TTLL8: variants seen among roughly 807,000 people sequenced by gnomAD.
TTLL8 encodes the protein tubulin tyrosine ligase like 8.
In TTLL8, 65 loss-of-function variants were observed where a neutral mutation model predicts 77.8. That is an observed-to-expected ratio of 0.84 (90% CI 0.68 to 1.03). The LOEUF (loss-of-function observed/expected upper bound fraction) is 1.03. Ranked by LOEUF, TTLL8 falls within the 50% of genes least tolerant of loss-of-function variation. TTLL8 has a pLI of 0.00. For synonymous variants in TTLL8, 402 were observed against 422.8 expected (o/e 0.95, Z 0.60); for missense variants, 910 against 1,004.5 (o/e 0.91, Z 1.27).
chr22:50,030,851 C>T (rs1188097778), exon 12 of TTLL8: 2 of 1,337,642 alleles, frequency 1.5e-6, no homozygotes, highest in Non-Finnish European at 2.0e-6. Flanking sequence ...GCAGCACCTG[C>T]CTCCTGGCTC....
At chr22:50,047,033 A>AAG in intron 4 of TTLL8, 135 bp downstream of exon 6, 1 of 1,193,258 alleles carries the variant, frequency 8.4e-7, no homozygotes. Flanking sequence ...CCACGGCCTT[A>AAG]GACCAGGAGT....
intron 8 of TTLL8, among the ~76,000 whole-genome samples, chr22:50,039,712 G>T (rs769932908): frequency 6.6e-6 from 1 of 151,822 alleles, no homozygotes. Context: ...ATGTGTGTCA[G>T]TGTGGACAGA....
intron 5 of TTLL8, 92 bp from the exon 8 acceptor site, chr22:50,045,481 C>T: frequency 2.6e-6 from 3 of 1,144,764 alleles, no homozygotes; most frequent in East Asian, 4.9e-5. Flanking sequence ...CCAACCCGCC[C>T]CACTTCCCGC....
At chr22:50,025,947 C>A (rs1174918369) in intron 12 of TTLL8, among the ~76,000 whole-genome samples, 1 of 152,160 alleles carries the variant, frequency 6.6e-6, no homozygotes, top group African/African-American at 2.4e-5. Flanking sequence ...TGCAAAACGC[C>A]ACAACCATAT....
chr22:50,020,397 C>T (rs1412948591), intron 12 of TTLL8, among the ~76,000 whole-genome samples: 1 of 151,568 alleles, frequency 6.6e-6, no homozygotes, highest in African/African-American at 2.4e-5. Flanking sequence ...GTGCATTCCT[C>T]CATCTGACAA....
intron 10 of TTLL8, among the ~76,000 whole-genome samples, chr22:50,032,732 C>A (rs1426489740): frequency 6.6e-6 from 1 of 152,196 alleles, no homozygotes; most frequent in Non-Finnish European, 1.5e-5. Flanking sequence ...GGGTGGCAGG[C>A]GTCGCTGTGT....
At chr22:50,047,348 C>T in intron 3 of TTLL8, 52 bp from the exon 6 acceptor site, 1 of 1,349,504 alleles carries the variant, frequency 7.4e-7, no homozygotes, top group Non-Finnish European at 9.9e-7. Flanking sequence ...TTCACACCAG[C>T]CAGGATGGGA....
At chr22:50,047,531 T>C (rs1272353413) in intron 3 of TTLL8, among the ~76,000 whole-genome samples, 1 of 152,142 alleles carries the variant, frequency 6.6e-6, no homozygotes. Flanking sequence ...GCCACCCCGA[T>C]GTGGGGCTGC....
At position 50,044,053 on chromosome 22, in the gene TTLL8, G is replaced by A. The variant is rs998129346; in HGVS notation, c.643+1202C>T. ...TAAAATCATTAATTAGGCCAGGTAC[G>A]GTGGATCAAGCCTGTAATCCCAGCA... On this transcript the variant is annotated intron_variant, in intron 6 of 13. Transcript: ENST00000266182. The surrounding 1 kb of genome is among the most constrained non-coding windows in gnomAD (Gnocchi z 4.2). 2.0e-5 allele frequency among the ~76,000 whole-genome samples: 3 copies of A among 152,176 alleles called. No homozygotes were observed. Among genetic ancestry groups the A allele is most frequent in the African/African-American group, 7.2e-5 (3 of 41,438 alleles).
chr22:50,056,775 C>G, upstream of TTLL8: 1 of 1,288,202 alleles, frequency 7.8e-7, no homozygotes, highest in Non-Finnish European at 1.0e-6. This position sits in a 1 kb window ranked among gnomAD's most constrained non-coding sequence, Gnocchi z 4.1. Context: ...CCCAGAGTCC[C>G]TGATTTCCTG....
At chr22:50,021,106 G>T (rs1325879564) in intron 12 of TTLL8, among the ~76,000 whole-genome samples, 1 of 142,692 alleles carries the variant, frequency 7.0e-6, no homozygotes, top group Non-Finnish European at 1.5e-5. Context: ...CATCTGATGT[G>T]CACTCTTCCA....
chr22:50,057,237 T>A, upstream of TTLL8, among the ~76,000 whole-genome samples: 1 of 126,778 alleles, frequency 7.9e-6, no homozygotes, highest in Non-Finnish European at 1.6e-5. Flanking sequence ...GGATCAGGTC[T>A]GGGTTGAGGG....
At position 50,034,359 on chromosome 22, in the gene TTLL8, C is replaced by T. The variant is rs763383499; in HGVS notation, c.1025G>A (p.Arg342Gln). 1.0e-5 allele frequency: 14 copies of T among 1,365,966 alleles called. No individual in the cohort carries two copies. The highest frequency in any genetic ancestry group is 5.7e-5 in the South Asian group (5 of 88,002). The allele number at this position is 1,365,966 out of a possible 1,614,324, so 84.6% of individuals were successfully genotyped here. A position where few individuals can be genotyped will look rare whatever the true frequency, so the allele number is the denominator to read the frequency against. The change falls in exon 9 of 14, where the codon CGA becomes CAA. Residue 342 changes from arginine to glutamine, a missense_variant. Around this residue, in one of 2 missense-constraint regions of TTLL8, gnomAD observed 776 missense variants for 926.1 expected, o/e 0.84. Transcript: ENST00000266182. The surrounding 1 kb of genome is among the most constrained non-coding windows in gnomAD (Gnocchi z 4.1). ...AGCATCCGCACCAGGGGACTCACCT[C>T]GGCCCCGGGACTTGGCCGCGGGCTT...
At chr22:50,018,764 CTG>C (rs1569216735) in intron 12 of TTLL8, among the ~76,000 whole-genome samples, 1 of 152,208 alleles carries the variant, frequency 6.6e-6, no homozygotes, top group African/African-American at 2.4e-5. Context: ...TGTACTCCTG[CTG>C]CAGAGAATCT....
chr22:50,022,442 C>T (rs1258111685), intron 12 of TTLL8, among the ~76,000 whole-genome samples: 1 of 151,608 alleles, frequency 6.6e-6, no homozygotes, highest in Non-Finnish European at 1.5e-5. Context: ...TGTACTCCTC[C>T]ATCTGATGAT....
intron 6 of TTLL8, among the ~76,000 whole-genome samples, chr22:50,042,365 G>T (rs777121355): frequency 2.0e-5 from 3 of 152,032 alleles, no homozygotes; most frequent in Non-Finnish European, 4.4e-5. Context: ...CGCCCAGGCT[G>T]GATGGCAAGA....
At position 50,031,962 on chromosome 22, in the gene TTLL8, G is replaced by C. The variant is rs749670257; in HGVS notation, c.1431C>G (p.Ser477Arg). ...CCTTCTTCATGGACGGGTAGATGAC[G>C]CTGCCCCACACGGCGCCACGGCCCT... The change falls in exon 11 of 14, where the codon AGC (serine) becomes AGG (arginine). Residue 477 changes from serine to arginine, a missense_variant. Transcript: ENST00000266182. 7.3e-6 allele frequency: 10 copies of C among 1,366,626 alleles called. No homozygotes were observed. The African/African-American group carries it at 1.2e-4, about 16-fold the overall frequency. 84.7% of individuals were successfully genotyped at this position (1,366,626 alleles called of 1,614,324 possible).
chr22:50,043,015 G>A (rs1393563154), intron 6 of TTLL8, among the ~76,000 whole-genome samples: 1 of 152,204 alleles, frequency 6.6e-6, no homozygotes, highest in Non-Finnish European at 1.5e-5. Context: ...CAAAACTTAT[G>A]GTCACACAAA....
intron 12 of TTLL8, among the ~76,000 whole-genome samples, chr22:50,019,549 G>C (rs937940052): frequency 6.6e-6 from 1 of 152,144 alleles, no homozygotes; most frequent in Non-Finnish European, 1.5e-5. Context: ...GAGGAAGCCA[G>C]CTGCCATGTT....
Sources: allele counts gnomAD v4.1 joint callset (sites outside exome capture counted in the v4.1 genomes callset), GRCh38; gene constraint gnomAD v4.1.1; regional missense constraint gnomAD v4.1.1; non-coding constraint Gnocchi (gnomAD v3.1); transcripts MANE v1.5; gene names NCBI Gene and HGNC (gene_info 2026-07-23, HGNC 2026-07-21).